ULK1: variants seen among roughly 807,000 people sequenced by gnomAD.
ULK1 encodes serine/threonine-protein kinase ULK1.
A neutral mutation model predicts 117.5 loss-of-function variants in ULK1; 48 were observed. The ratio of observed to expected loss-of-function variants is 0.41; its 90% CI spans 0.32 to 0.52. ULK1 has a LOEUF of 0.52. Ranked by LOEUF, ULK1 falls within the 20% of genes least tolerant of loss-of-function variation. The pLI is 0.29. For synonymous variants in ULK1, 790 were observed against 637.8 expected, an observed-to-expected ratio of 1.24 and a Z score of -3.60; for missense variants, 1,387 against 1,473.4, an observed-to-expected ratio of 0.94 and a Z score of 0.96.
At position 131,917,102 on chromosome 12, in the gene ULK1, G is replaced by GTCGGGTTCGGC. The variant is rs1555265414; in HGVS notation, c.2182+44_2182+45insGTTCGGCTCGG. The GTCGGGTTCGGC allele has an allele frequency of 6.9e-3, 4,101 of 594,586 alleles. 152 individuals are homozygous for GTCGGGTTCGGC. The highest frequency in any genetic ancestry group is 0.016 in the East Asian group (523 of 32,812). 36.8% of individuals were successfully genotyped at this position (594,586 alleles called of 1,614,324 possible). A position where few individuals can be genotyped will look rare whatever the true frequency, so the allele number is the denominator to read the frequency against. On this transcript the variant is annotated intron_variant, in intron 21 of 27. Transcript: ENST00000321867. ...GGGGCTCGGAGGCTGTGGGATGGGG[G>GTCGGGTTCGGC]TCGGAGGCTGTGGGATGGGGGTCGG...
At chr12:131,914,297 C>T in intron 15 of ULK1, 55 bp from the exon 16 acceptor site, 2 of 1,589,124 alleles carry the variant, frequency 1.3e-6, no homozygotes, top group Admixed American at 3.4e-5. Flanking sequence ...GCTCCATGAC[C>T]TCAGCCTCTT....
intron 3 of ULK1, chr12:131,906,549 G>T: frequency 3.1e-6 from 1 of 321,182 alleles, no homozygotes; most frequent in Non-Finnish European, 5.9e-6. Flanking sequence ...CCTGGGCTGA[G>T]GAGCTGAGAA....
intron 18 of ULK1, among the ~76,000 whole-genome samples, chr12:131,915,661 C>T (rs533402848): frequency 2.6e-5 from 4 of 152,154 alleles, no homozygotes; most frequent in South Asian, 2.1e-4. Context: ...CTCAGCTACT[C>T]GGGAGGCTGA....
chr12:131,895,178 G>T (rs1206381640), intron 1 of ULK1, 66 bp downstream of exon 1: 2 of 1,105,402 alleles, frequency 1.8e-6, no homozygotes, highest in Non-Finnish European at 2.3e-6. Flanking sequence ...CCCGCCCCGA[G>T]ATTCCCCGCC....
rs749490373 is a variant in ULK1 at position 131,921,631 on chromosome 12, G to A, written c.*270G>A. 178 of 618,190 alleles carry A rather than the reference G, an allele frequency of 2.9e-4. No individual in the cohort carries two copies. The highest frequency in any genetic ancestry group is 3.2e-4 in the Non-Finnish European group (111 of 350,564). 38.3% of individuals were successfully genotyped at this position (618,190 alleles called of 1,614,324 possible). A position where few individuals can be genotyped will look rare whatever the true frequency, so the allele number is the denominator to read the frequency against. On this transcript the variant is annotated 3_prime_UTR_variant, in exon 28 of 28. Transcript: ENST00000321867. Reference sequence around the variant, plus strand: ...CCTCCAGCTGCCTGGCTCAGCAGGCGTGGGTGCCACCACCCTCTAGCCCCA... The same window carrying A: ...CCTCCAGCTGCCTGGCTCAGCAGGCATGGGTGCCACCACCCTCTAGCCCCA...
At chr12:131,910,184 C>T (rs370061778) in intron 10 of ULK1, 70 bp from the exon 11 acceptor site, 21 of 1,600,110 alleles carry the variant, frequency 1.3e-5, no homozygotes, top group South Asian at 4.4e-5. Context: ...GAGCTCAGGC[C>T]GTGGGGAGGC....
chr12:131,913,171 C>A, intron 13 of ULK1, 27 bp from the exon 14 acceptor site: 1 of 1,552,194 alleles, frequency 6.4e-7, no homozygotes, highest in South Asian at 1.2e-5. Flanking sequence ...GCAAGGACTC[C>A]AGGCCCAGCC....
chr12:131,911,943 C>G lies in ULK1; in HGVS notation c.950C>G (p.Ser317Cys), dbSNP rs750673439. Residue 317 changes from serine to cysteine, a missense_variant and splice_region_variant, in exon 13 of 28, where the codon TCC (serine) becomes TGC (cysteine). This residue lies in a region of ULK1 where 260 missense variants were observed against 271.6 expected (regional missense o/e 0.96). Coordinates refer to ENST00000321867, the MANE Select transcript of ULK1 (RefSeq NM_003565.4). ...ACCAGCCCCTCCGTTGACTCTCAGT[C>G]CCTGGGCGAGATGCAGCAGCTGCAG... is the stretch of plus-strand genomic sequence containing the variant. ...SSTSHLASPP[S>C]LGEMQQLQKT... 6.2e-7 allele frequency: 1 copy of G among 1,612,862 alleles called. No individual in the cohort carries two copies. The highest frequency in any genetic ancestry group is 1.1e-5 in the South Asian group (1 of 91,082).
In ULK1 at chr12:131,917,027, G is replaced by C; in HGVS notation, c.2147G>C (p.Ser716Thr). 1 of 1,599,562 alleles carries C rather than the reference G, an allele frequency of 6.3e-7. No individual in the cohort carries two copies. The highest frequency in any genetic ancestry group is 1.1e-5 in the South Asian group (1 of 90,580). The change falls in exon 21 of 28, where the codon AGC becomes ACC. Residue 716 changes from serine to threonine, a missense_variant. Coordinates refer to ENST00000321867, the MANE Select transcript of ULK1 (RefSeq NM_003565.4). The stretch of plus-strand genomic sequence containing the variant: ...GGGACACAAGCCCCGGACCCGGGCA[G>C]CACGGAGAGCCTGCAGGAGAAGCCC... ...AFGTQAPDPG[S>T]TESLQEKPME...
chr12:131,900,329 C>T (rs1889037181), intron 3 of ULK1, among the ~76,000 whole-genome samples: 1 of 152,064 alleles, frequency 6.6e-6, no homozygotes, highest in Non-Finnish European at 1.5e-5. Context: ...TATTTTTGTT[C>T]TTATTGTGTT....
Position 131,922,301 on chromosome 12 carries a change from G to A in ULK1, c.*940G>A, listed in dbSNP as rs1415141984. 5.9e-6 allele frequency: 2 copies of A among 336,808 alleles called. No individual in the cohort carries two copies. The highest frequency in any genetic ancestry group is 8.1e-5 in the East Asian group (1 of 12,324). The allele number at this position is 336,808 out of a possible 1,614,324, so 20.9% of individuals were successfully genotyped here. A position where few individuals can be genotyped will look rare whatever the true frequency, so the allele number is the denominator to read the frequency against. ...GGGTGAGGCTGCTTTGCACACCTGT[G>A]TTGGTGGCTGTCCCCTGCCGCCCCT... is the stretch of plus-strand genomic sequence containing the variant. On this transcript the variant is annotated 3_prime_UTR_variant, in exon 28 of 28. Transcript: ENST00000321867.
intron 16 of ULK1, 29 bp downstream of exon 16, chr12:131,914,506 C>G: frequency 6.2e-7 from 1 of 1,603,056 alleles, no homozygotes; most frequent in Non-Finnish European, 8.5e-7. Flanking sequence ...GGTAGCCAGG[C>G]GTGGCTGGGG....
At position 131,915,202 on chromosome 12, in the gene ULK1, G is replaced by T; in HGVS notation, c.1493G>T (p.Gly498Val). 2 of 1,600,398 alleles carry T rather than the reference G, an allele frequency of 1.2e-6. No individual in the cohort carries two copies. ...GVLARKMSLG[G>V]GRPYTPSPQV... ...CTGGCCAGGAAGATGTCTCTGGGTG[G>T]AGGCCGGCCCTACACGCCATCTCCT... is the stretch of plus-strand genomic sequence containing the variant. Residue 498 changes from glycine to valine, a missense_variant, in exon 17 of 28, where the codon GGA (glycine) becomes GTA (valine). By Grantham distance (109) the Gly-to-Val change is moderately radical. Coordinates refer to ENST00000321867, the MANE Select transcript of ULK1 (RefSeq NM_003565.4).
At chr12:131,895,160 C>A in intron 1 of ULK1, 48 bp downstream of exon 1, 1 of 1,343,876 alleles carries the variant, frequency 7.4e-7, no homozygotes, top group South Asian at 1.4e-5. Flanking sequence ...ATCCCCTGCC[C>A]CTGCATCCCC....
At chr12:131,906,623 G>A (rs1889287459) in intron 3 of ULK1, 4 of 542,144 alleles carry the variant, frequency 7.4e-6, no homozygotes. Context: ...TTCCTGCTAG[G>A]GGGTATGTCC....
chr12:131,900,813 C>T (rs1054366063), intron 3 of ULK1, among the ~76,000 whole-genome samples: 12 of 152,312 alleles, frequency 7.9e-5, no homozygotes, highest in Non-Finnish European at 1.8e-4. Flanking sequence ...GACCATGGGT[C>T]CAGGCAGTCC....
intron 18 of ULK1, among the ~76,000 whole-genome samples, 156 bp from the exon 19 acceptor site, chr12:131,915,734 AC>A (rs1188953892): frequency 6.6e-6 from 1 of 151,864 alleles, no homozygotes; most frequent in Non-Finnish European, 1.5e-5. Context: ...ATACCACCGC[AC>A]TCCAGCCTGA....
Position 131,910,891 on chromosome 12 carries a change from C to T in ULK1, c.948+91C>T, listed in dbSNP as rs1889506015. The T allele has an allele frequency of 4.5e-6, 7 of 1,554,946 alleles. No homozygotes were observed. In the South Asian group the frequency reaches 5.9e-5, roughly 13 times the overall value. On this transcript the variant is annotated intron_variant, in intron 12 of 27. Coordinates refer to ENST00000321867, the MANE Select transcript of ULK1 (RefSeq NM_003565.4). ...GGGCCCCCGCGGGGACGTGCTGTGA[C>T]TTCTGTTGTCTGTGTGAGTCACGAA...
At position 131,922,376 on chromosome 12, in the gene ULK1, G is replaced by A. The variant is rs1404042852; in HGVS notation, c.*1015G>A. 4.2e-6 allele frequency: 1 copy of A among 239,644 alleles called. No individual in the cohort carries two copies. Among genetic ancestry groups the A allele is most frequent in the Non-Finnish European group, 8.6e-6 (1 of 116,958 alleles). The allele number at this position is 239,644 out of a possible 1,614,324, so 14.8% of individuals were successfully genotyped here. On this transcript the variant is annotated 3_prime_UTR_variant, in exon 28 of 28. Transcript: ENST00000321867. ...GTGTGCCCAGCACCCTCCCTACCTG[G>A]GCCTGGAAGCAGATGAGGGGAATAC...
Sources: allele counts gnomAD v4.1 joint callset (sites outside exome capture counted in the v4.1 genomes callset), GRCh38; gene constraint gnomAD v4.1.1; regional missense constraint gnomAD v4.1.1; transcripts MANE v1.5; gene names NCBI Gene and HGNC (gene_info 2026-07-23, HGNC 2026-07-21).